The following REV3L variants were observed in gnomAD, a reference collection of about 807,000 sequenced individuals.
REV3L encodes the protein REV3 like, DNA directed polymerase zeta catalytic subunit, also known as DNA polymerase zeta catalytic subunit.
In REV3L, 69 loss-of-function variants were observed where a neutral mutation model predicts 299.4. That is an observed-to-expected ratio of 0.23 (90% CI 0.19 to 0.28). REV3L has a LOEUF of 0.28. REV3L is among the 10% of genes least tolerant of loss of function. REV3L has a pLI of 1.00. For synonymous variants in REV3L, 1,238 were observed against 1,271.4 expected, an observed-to-expected ratio of 0.97 and a Z score of 0.56; for missense variants, 3,128 against 3,693.8, an observed-to-expected ratio of 0.85 and a Z score of 3.97.
chr6:111,457,934 A>G (rs1215727936), intron 1 of REV3L, among the ~76,000 whole-genome samples: 1 of 152,100 alleles, frequency 6.6e-6, no homozygotes, highest in Non-Finnish European at 1.5e-5. Context: ...AAGATAGAGA[A>G]ACTCTTAAAG....
At chr6:111,308,312 G>A in intron 30 of REV3L, 1 of 451,244 alleles carries the variant, frequency 2.2e-6, no homozygotes. Context: ...TGCCGATGAT[G>A]AAATGAACAT....
At chr6:111,419,862 T>C (rs1479914905) in intron 1 of REV3L, among the ~76,000 whole-genome samples, 2 of 152,114 alleles carry the variant, frequency 1.3e-5, no homozygotes, top group African/African-American at 4.8e-5. Context: ...TTTTTTTTTT[T>C]GAGATGGAGT....
chr6:111,381,098 A>G (rs1780785083), intron 10 of REV3L, among the ~76,000 whole-genome samples: 2 of 152,272 alleles, frequency 1.3e-5, no homozygotes, highest in African/African-American at 4.8e-5. Context: ...TCCGTGAATC[A>G]AAGTACAGTT....
chr6:111,431,675 G>T (rs781470925), intron 1 of REV3L: 15 of 947,708 alleles, frequency 1.6e-5, no homozygotes, highest in Non-Finnish European at 2.2e-5. Context: ...AAAGCAATGG[G>T]GATTTCCATT....
intron 2 of REV3L, 109 bp from the exon 3 acceptor site, chr6:111,411,663 ATAT>A: frequency 1.4e-6 from 1 of 716,764 alleles, no homozygotes; most frequent in Non-Finnish European, 2.3e-6. Context: ...CTTACGTTTA[ATAT>A]TATCCACCCC....
intron 1 of REV3L, among the ~76,000 whole-genome samples, chr6:111,473,367 CGTGAA>C (rs1792492596): frequency 1.3e-5 from 2 of 151,584 alleles, no homozygotes; most frequent in Non-Finnish European, 1.5e-5. Flanking sequence ...TCTTTAATTG[CGTGAA>C]TTCTAATCCA....
intron 13 of REV3L, among the ~76,000 whole-genome samples, chr6:111,372,198 C>T (rs1405634728): frequency 6.6e-6 from 1 of 152,262 alleles, no homozygotes; most frequent in African/African-American, 2.4e-5. Context: ...TTTCAAAACA[C>T]TTGAAAATGA....
Position 111,375,693 on chromosome 6 carries a change from T to C in REV3L, c.2662A>G (p.Lys888Glu). 1 of 1,614,066 alleles carries C rather than the reference T, an allele frequency of 6.2e-7. No homozygotes were observed. The highest frequency in any genetic ancestry group is 8.5e-7 in the Non-Finnish European group (1 of 1,179,948). The change falls in exon 13 of 32, where the codon AAA becomes GAA. Residue 888 changes from lysine (K) to glutamate (E), a missense_variant. By Grantham distance (56) the Lys-to-Glu change is moderately conservative (BLOSUM62 1). Around this residue, in one of 9 missense-constraint regions of REV3L, gnomAD observed 2,409 missense variants for 2,611.8 expected, o/e 0.92. Coordinates refer to ENST00000368802, the MANE Select transcript of REV3L (RefSeq NM_001372078.1). Reference protein sequence around the residue: ...TKTTRGAFENKTPTDGFIDCH... With the variant: ...TKTTRGAFENETPTDGFIDCH... ...TCTATAAAACCATCTGTGGGTGTTTTATTTTCAAAAGCTCCACGAGTGGTT... is the reference window on the plus strand; with the variant it reads ...TCTATAAAACCATCTGTGGGTGTTTCATTTTCAAAAGCTCCACGAGTGGTT...
intron 13 of REV3L, among the ~76,000 whole-genome samples, chr6:111,370,881 A>G (rs1009922772): frequency 2.0e-5 from 3 of 152,146 alleles, no homozygotes; most frequent in Non-Finnish European, 4.4e-5. Flanking sequence ...ATAATTGTCC[A>G]AAGTCCACAG....
At chr6:111,437,922 C>G (rs1255947025) in intron 1 of REV3L, among the ~76,000 whole-genome samples, 6 of 152,082 alleles carry the variant, frequency 3.9e-5, no homozygotes, top group Non-Finnish European at 7.4e-5. Flanking sequence ...GGCAGGATCA[C>G]AGTTCACTGC....
At chr6:111,344,705 A>C (rs752597459) in intron 20 of REV3L, among the ~76,000 whole-genome samples, 4 of 152,246 alleles carry the variant, frequency 2.6e-5, no homozygotes, top group Non-Finnish European at 5.9e-5. Context: ...ACAAGACAAA[A>C]GCAATCTAGA....
intron 1 of REV3L, among the ~76,000 whole-genome samples, chr6:111,457,303 T>A (rs930045660): frequency 3.3e-5 from 5 of 151,986 alleles, no homozygotes; most frequent in Non-Finnish European, 7.4e-5. Context: ...TCAAATGACA[T>A]TCAAGTGATC....
chr6:111,397,758 T>G (rs957807388), intron 4 of REV3L, among the ~76,000 whole-genome samples: 82 of 152,048 alleles, frequency 5.4e-4, no homozygotes, highest in African/African-American at 1.9e-3. Context: ...TACCTCAGCC[T>G]CCTGAGTAGC....
At chr6:111,358,763 C>G (rs567359139) in intron 17 of REV3L, 59 bp downstream of exon 17, 939 of 1,305,086 alleles carry the variant, frequency 7.2e-4, no homozygotes, top group Non-Finnish European at 9.1e-4. Flanking sequence ...ACAGGAATTC[C>G]CCATTAAAAC....
chr6:111,406,395 GAC>G (rs1172612391), intron 3 of REV3L, among the ~76,000 whole-genome samples: 2 of 152,200 alleles, frequency 1.3e-5, no homozygotes, highest in African/African-American at 4.8e-5. Flanking sequence ...AGCCTGTTAA[GAC>G]ATTTGAAGAG....
At chr6:111,429,519 G>A (rs1419606991) in intron 1 of REV3L, among the ~76,000 whole-genome samples, 1 of 132,838 alleles carries the variant, frequency 7.5e-6, no homozygotes, top group Non-Finnish European at 1.8e-5. Context: ...AATTTGTAGT[G>A]TACAATCCAT....
intron 1 of REV3L, among the ~76,000 whole-genome samples, chr6:111,475,989 G>A (rs1792897744): frequency 6.6e-6 from 1 of 152,146 alleles, no homozygotes; most frequent in East Asian, 1.9e-4. Flanking sequence ...ATAAATGAAG[G>A]TGGGATCCAT....
intron 1 of REV3L, among the ~76,000 whole-genome samples, chr6:111,469,880 G>A (rs972291833): frequency 6.6e-6 from 1 of 152,158 alleles, no homozygotes; most frequent in Non-Finnish European, 1.5e-5. Context: ...ATGTTTTGGG[G>A]AGATTTATCA....
chr6:111,435,010 G>A (rs1787384985), intron 1 of REV3L, among the ~76,000 whole-genome samples: 1 of 152,158 alleles, frequency 6.6e-6, no homozygotes, highest in Admixed American at 6.5e-5. Context: ...TTCAAGGTAA[G>A]CCTGGGCAAC....
Sources: allele counts gnomAD v4.1 joint callset (sites outside exome capture counted in the v4.1 genomes callset), GRCh38; gene constraint gnomAD v4.1.1; regional missense constraint gnomAD v4.1.1; transcripts MANE v1.5; gene names NCBI Gene and HGNC (gene_info 2026-07-23, HGNC 2026-07-21).